Variants in PSD3 observed in about 807,000 individuals in gnomAD.
PSD3 encodes the protein pleckstrin and Sec7 domain containing 3, also known as PH and SEC7 domain-containing protein 3.
Under a neutral mutation model 105.5 loss-of-function variants are expected in PSD3, and 49 were observed. The ratio of observed to expected loss-of-function variants is 0.46; its 90% CI spans 0.37 to 0.59. The LOEUF (loss-of-function observed/expected upper bound fraction) is 0.59, where lower values mean the gene tolerates loss of function less well. Ranked by LOEUF, PSD3 falls within the 20% of genes least tolerant of loss-of-function variation. The pLI, the probability that PSD3 is intolerant of heterozygous loss-of-function variation, is 0.00. For missense variants in PSD3, 1,561 were observed against 1,263.8 expected, an observed-to-expected ratio of 1.24 and a Z score of -3.57; for synonymous variants, 557 against 457.8, an observed-to-expected ratio of 1.22 and a Z score of -2.77.
chr8:18,987,554 T>A (rs1825572412), intron 1 of PSD3, among the ~76,000 whole-genome samples: 1 of 151,024 alleles, frequency 6.6e-6, no homozygotes, highest in Non-Finnish European at 1.5e-5. Flanking sequence ...CCCAAAAATC[T>A]CTGCCTGTAA....
Position 18,572,539 on chromosome 8 carries a change from T to G in PSD3, c.2773A>C (p.Lys925Gln). 6.2e-7 allele frequency: 1 copy of G among 1,613,860 alleles called. No individual in the cohort carries two copies. Among genetic ancestry groups the G allele is most frequent in the Non-Finnish European group, 8.5e-7 (1 of 1,179,804 alleles). ...SRPLLPATTTKLSQEEQLKSH... is the reference protein window; with the variant it reads ...SRPLLPATTTQLSQEEQLKSH... ...ATCAAGATGATTACCTGAGACAGTT[T>G]TGTTGTAGTGGCAGGCAGAAGTGGG... The change falls in exon 14 of 16, where the codon AAA becomes CAA. Residue 925 changes from lysine (K) to glutamine (Q), a missense_variant. By Grantham distance (53) the Lys-to-Gln change is moderately conservative (BLOSUM62 1). Transcript: ENST00000327040.
At chr8:18,805,549 A>G (rs1173290147) in intron 4 of PSD3, among the ~76,000 whole-genome samples, 1 of 152,190 alleles carries the variant, frequency 6.6e-6, no homozygotes, top group African/African-American at 2.4e-5. Context: ...TTCTTAAAGG[A>G]TATTCTTACT....
At chr8:18,782,058 T>A (rs1808686722) in intron 8 of PSD3, among the ~76,000 whole-genome samples, 1 of 152,172 alleles carries the variant, frequency 6.6e-6, no homozygotes, top group Non-Finnish European at 1.5e-5. Context: ...GACATCTTTG[T>A]TGAATTTCTC....
chr8:18,674,299 G>C (rs1360261948), intron 9 of PSD3, among the ~76,000 whole-genome samples: 1 of 152,206 alleles, frequency 6.6e-6, no homozygotes, highest in Non-Finnish European at 1.5e-5. Context: ...CAGTTCCTGG[G>C]CCTTCCCTGC....
chr8:19,083,426 T>C (rs936340662), intron 1 of PSD3, among the ~76,000 whole-genome samples: 5 of 152,032 alleles, frequency 3.3e-5, no homozygotes, highest in African/African-American at 7.2e-5. Flanking sequence ...GCAGAGCCCG[T>C]AGAGCTGGAA....
At chr8:18,688,254 C>CTGTTTGTT (rs10693160) in intron 9 of PSD3, among the ~76,000 whole-genome samples, 17 of 148,878 alleles carry the variant, frequency 1.1e-4, no homozygotes, top group Middle Eastern at 3.6e-3. Context: ...TCACGTCAGG[C>CTGTTTGTT]TGTTTGTTTG....
intron 1 of PSD3, chr8:18,989,349 G>A (rs1825672643): frequency 6.6e-6 from 1 of 152,126 alleles, no homozygotes; most frequent in African/African-American, 2.4e-5. Context: ...CCTTCAGAAT[G>A]AGTTTTGGAA....
At chr8:18,943,090 G>A (rs186237839) in intron 1 of PSD3, among the ~76,000 whole-genome samples, 2 of 152,278 alleles carry the variant, frequency 1.3e-5, no homozygotes, top group Admixed American at 6.5e-5. Context: ...CTGTGTACAT[G>A]AGAATCCTAA....
intron 1 of PSD3, among the ~76,000 whole-genome samples, chr8:19,074,244 AC>A (rs1829372647): frequency 6.6e-6 from 1 of 151,960 alleles, no homozygotes; most frequent in Admixed American, 6.6e-5. Flanking sequence ...AGTTTACAGA[AC>A]CCATTGCGGT....
At chr8:19,062,416 A>G (rs1407623231) in intron 1 of PSD3, among the ~76,000 whole-genome samples, 1 of 152,204 alleles carries the variant, frequency 6.6e-6, no homozygotes, top group Non-Finnish European at 1.5e-5. Flanking sequence ...TTTGCAGATG[A>G]GGAAACTGAA....
intron 1 of PSD3, among the ~76,000 whole-genome samples, chr8:18,941,060 C>G (rs1355831141): frequency 6.6e-6 from 1 of 152,186 alleles, no homozygotes; most frequent in Non-Finnish European, 1.5e-5. Context: ...TAATGCAGGT[C>G]TTTGAAAACT....
At chr8:19,078,430 G>T (rs1455031631) in intron 1 of PSD3, among the ~76,000 whole-genome samples, 1 of 152,066 alleles carries the variant, frequency 6.6e-6, no homozygotes, top group Non-Finnish European at 1.5e-5. Context: ...ATCTCAAAAT[G>T]TTAAATTGGA....
chr8:18,805,445 T>C (rs1349523476), intron 4 of PSD3, among the ~76,000 whole-genome samples: 1 of 152,186 alleles, frequency 6.6e-6, no homozygotes, highest in Non-Finnish European at 1.5e-5. Context: ...CCCTCACTCA[T>C]ATTTCATTGG....
chr8:18,542,045 A>T (rs903074193), intron 15 of PSD3, among the ~76,000 whole-genome samples: 1 of 152,106 alleles, frequency 6.6e-6, no homozygotes, highest in African/African-American at 2.4e-5. Context: ...GAGCCACCTC[A>T]TTCGGCCCTG....
chr8:18,949,266 T>A (rs1437335629), intron 1 of PSD3, among the ~76,000 whole-genome samples: 2 of 108,918 alleles, frequency 1.8e-5, no homozygotes, highest in Non-Finnish European at 3.9e-5. Flanking sequence ...TATATATATA[T>A]ATATATATAT....
chr8:18,618,768 C>T (rs1805889805), intron 11 of PSD3, among the ~76,000 whole-genome samples: 1 of 151,922 alleles, frequency 6.6e-6, no homozygotes, highest in Non-Finnish European at 1.5e-5. Context: ...GCAGACTTAA[C>T]ATCCTGGGCT....
At chr8:19,053,825 A>G (rs903817264) in intron 1 of PSD3, among the ~76,000 whole-genome samples, 8 of 152,236 alleles carry the variant, frequency 5.3e-5, no homozygotes, top group East Asian at 1.9e-4. Context: ...AGTATTCTGT[A>G]TACCTAGAAA....
chr8:18,915,105 A>G (rs1820496983), intron 2 of PSD3, among the ~76,000 whole-genome samples: 1 of 152,172 alleles, frequency 6.6e-6, no homozygotes, highest in Non-Finnish European at 1.5e-5. Context: ...GGGAAAGAAC[A>G]TCAATGAACA....
intron 12 of PSD3, among the ~76,000 whole-genome samples, chr8:18,577,261 G>C (rs932973635): frequency 6.6e-6 from 1 of 152,018 alleles, no homozygotes; most frequent in African/African-American, 2.4e-5. Context: ...CTTATGACCA[G>C]AGAATATGGT....
Sources: allele counts gnomAD v4.1 joint callset (sites outside exome capture counted in the v4.1 genomes callset), GRCh38; gene constraint gnomAD v4.1.1; transcripts MANE v1.5; gene names NCBI Gene and HGNC (gene_info 2026-07-23, HGNC 2026-07-21).